CAB39L: variants seen among roughly 807,000 people sequenced by gnomAD.
CAB39L encodes calcium binding protein 39 like, also known as calcium-binding protein 39-like.
CAB39L carries 23 observed loss-of-function variants against 39.1 expected under a neutral mutation model. The ratio of observed to expected loss-of-function variants is 0.59; its 90% CI spans 0.42 to 0.83. CAB39L has a LOEUF of 0.83. Among genes scored for constraint, CAB39L ranks in the 40% least tolerant of loss-of-function variants. The pLI, the probability that CAB39L is intolerant of heterozygous loss-of-function variation, is 0.00. For synonymous variants in CAB39L, 126 were observed against 137.2 expected (o/e 0.92, Z 0.57); for missense variants, 366 against 391.9 (o/e 0.93, Z 0.56).
intron 4 of CAB39L, among the ~76,000 whole-genome samples, chr13:49,379,466 A>G (rs1353904533): frequency 2.6e-5 from 1 of 38,624 alleles, no homozygotes; most frequent in East Asian, 2.8e-4. Flanking sequence ...GCGGTGCAAG[A>G]TGTGCTTTGT....
intron 9 of CAB39L, among the ~76,000 whole-genome samples, chr13:49,333,959 C>T (rs1954782864): frequency 6.6e-6 from 1 of 152,150 alleles, no homozygotes; most frequent in South Asian, 2.1e-4. Context: ...AACCAACTCC[C>T]TTTCTTCTCT....
At chr13:49,400,489 A>G (rs936345683) in intron 3 of CAB39L, among the ~76,000 whole-genome samples, 1 of 151,014 alleles carries the variant, frequency 6.6e-6, no homozygotes, top group Non-Finnish European at 1.5e-5. Flanking sequence ...TGGTTATATT[A>G]GCTCTTCAAC....
At chr13:49,363,355 A>G (rs1260600429) in intron 5 of CAB39L, among the ~76,000 whole-genome samples, 1 of 152,178 alleles carries the variant, frequency 6.6e-6, no homozygotes, top group Non-Finnish European at 1.5e-5. Flanking sequence ...AGGGGGAGGA[A>G]GTTAAGGTGT....
At chr13:49,377,903 G>A (rs1956127444) in intron 4 of CAB39L, among the ~76,000 whole-genome samples, 1 of 80,316 alleles carries the variant, frequency 1.2e-5, no homozygotes, top group South Asian at 4.4e-4. Flanking sequence ...CATCTAGGAA[G>A]TGAGGAGCGC....
intron 1 of CAB39L, among the ~76,000 whole-genome samples, chr13:49,438,825 C>T (rs914392669): frequency 1.1e-4 from 17 of 152,322 alleles, no homozygotes; most frequent in African/African-American, 3.6e-4. Flanking sequence ...TTTAAACCTA[C>T]TTTAATGTTA....
Position 49,310,784 on chromosome 13 carries a change from G to A in CAB39L, c.*30C>T, listed in dbSNP as rs766297188. ...ACTGTACAAACTGGACAAATGAGAC[G>A]ACTGACTGTGACAGGGGCCGGGGAG... On this transcript the variant is annotated 3_prime_UTR_variant, in exon 11 of 11. Transcript: ENST00000409308. 2.2e-5 allele frequency: 35 copies of A among 1,606,332 alleles called. No individual in the cohort carries two copies. The highest frequency in any genetic ancestry group is 1.1e-4 in the South Asian group (10 of 90,380).
intron 10 of CAB39L, among the ~76,000 whole-genome samples, chr13:49,317,925 A>G (rs1954209367): frequency 6.6e-6 from 1 of 152,178 alleles, no homozygotes; most frequent in Non-Finnish European, 1.5e-5. Flanking sequence ...ACAACAACAG[A>G]AAACCCATTC....
chr13:49,433,334 C>A lies in CAB39L; in HGVS notation c.-48G>T. The A allele has an allele frequency of 2.2e-6, 1 of 453,480 alleles. No individual in the cohort carries two copies. Among genetic ancestry groups the A allele is most frequent in the Non-Finnish European group, 4.4e-6 (1 of 226,136 alleles). 28.1% of individuals were successfully genotyped at this position (453,480 alleles called of 1,614,324 possible). A position where few individuals can be genotyped will look rare whatever the true frequency, so the allele number is the denominator to read the frequency against. On this transcript the variant is annotated 5_prime_UTR_variant, in exon 3 of 11. The change abolishes an upstream ATG in the 5' untranslated region. Coordinates refer to ENST00000409308, the MANE Select transcript of CAB39L (RefSeq NM_001079670.3). ...CTAGCTTACCTTAGAAGTTGTATAT[C>A]ATTTGCAAATTTGTTTGAACCTTCT...
At chr13:49,435,074 C>A (rs1236451443) in intron 1 of CAB39L, among the ~76,000 whole-genome samples, 4 of 152,198 alleles carry the variant, frequency 2.6e-5, no homozygotes, top group Admixed American at 2.6e-4. Context: ...GGATACATTG[C>A]ATACTTTTCC....
chr13:49,435,585 C>T (rs1957397039), intron 1 of CAB39L, among the ~76,000 whole-genome samples: 1 of 152,186 alleles, frequency 6.6e-6, no homozygotes, highest in Non-Finnish European at 1.5e-5. Flanking sequence ...ACTGCAGCCT[C>T]CGCCTCCCAG....
chr13:49,441,685 C>T (rs1052786815), intron 1 of CAB39L, among the ~76,000 whole-genome samples: 3 of 152,180 alleles, frequency 2.0e-5, no homozygotes, highest in Non-Finnish European at 4.4e-5. Context: ...AATAAAATCG[C>T]TATAAATATT....
In CAB39L at chr13:49,339,675, A is replaced by T; in HGVS notation, c.690+2T>A. On this transcript the variant is annotated splice_donor_variant, in intron 9 of 10. Transcript: ENST00000409308. LOFTEE classifies it high-confidence loss of function. ...CACTGACTTAAAGAAATTTGATATT[A>T]CCTTTAAAGACTGTCTCTTAGTAAC... is the stretch of plus-strand genomic sequence containing the variant. 1 of 1,563,138 alleles carries T rather than the reference A, an allele frequency of 6.4e-7. No individual in the cohort carries two copies. The highest frequency in any genetic ancestry group is 8.6e-7 in the Non-Finnish European group (1 of 1,159,282).
intron 3 of CAB39L, among the ~76,000 whole-genome samples, chr13:49,409,139 A>G (rs1956939857): frequency 6.6e-6 from 1 of 152,158 alleles, no homozygotes; most frequent in South Asian, 2.1e-4. Flanking sequence ...ACAGGCAGGG[A>G]CCATCAGAGC....
chr13:49,357,035 C>T (rs191070811), intron 6 of CAB39L, among the ~76,000 whole-genome samples: 6 of 137,182 alleles, frequency 4.4e-5, no homozygotes, highest in Admixed American at 8.0e-5. Context: ...GGCGACAGAG[C>T]GAGACTCCAT....
Position 49,369,657 on chromosome 13 carries a change from G to A in CAB39L, c.276+7310C>T, listed in dbSNP as rs375111495. Among the ~76,000 whole-genome samples, 18 of 150,966 alleles carry A rather than the reference G, an allele frequency of 1.2e-4. No homozygotes were observed. The East Asian group carries it at 3.1e-3, about 26-fold the overall frequency. ...GGCTGAAGTGCAGTGGCATAATCTCGACTCACTGCAACCTCCACCTGCCAG... is the reference window on the plus strand; with the variant it reads ...GGCTGAAGTGCAGTGGCATAATCTCAACTCACTGCAACCTCCACCTGCCAG... On this transcript the variant is annotated intron_variant, in intron 5 of 10. Transcript: ENST00000409308.
rs767328035 is a variant in CAB39L, at chr13:49,344,241, A to G, written c.565-3T>C. Reference sequence around the variant, plus strand: ...ACTTTATGTCTGGTTAGTAAATCCTAGAAAAAGAAAAACCAAGTGAAACAA... The same window carrying G: ...ACTTTATGTCTGGTTAGTAAATCCTGGAAAAAGAAAAACCAAGTGAAACAA... On this transcript the variant is annotated splice_polypyrimidine_tract_variant and splice_region_variant and intron_variant, in intron 7 of 10. Coordinates refer to ENST00000409308, the MANE Select transcript of CAB39L (RefSeq NM_001079670.3). 2.6e-5 allele frequency: 41 copies of G among 1,574,294 alleles called. No individual in the cohort carries two copies. Among genetic ancestry groups the G allele is most frequent in the Non-Finnish European group, 3.6e-5 (41 of 1,145,358 alleles).
intron 4 of CAB39L, among the ~76,000 whole-genome samples, chr13:49,379,314 A>G (rs1798125132): frequency 4.1e-5 from 1 of 24,410 alleles, no homozygotes; most frequent in Admixed American, 2.9e-4. Context: ...TGTAGAAAGA[A>G]GTAGACATGG....
rs930617414 is a variant in CAB39L, at chr13:49,347,335, A to G, written c.565-3097T>C. ...AATTAAATTGGGCTGAATATATGAC[A>G]GCAAGAAATTACTATCAAGTACATC... On this transcript the variant is annotated intron_variant, in intron 7 of 10. Coordinates refer to ENST00000409308, the MANE Select transcript of CAB39L (RefSeq NM_001079670.3). Among the ~76,000 whole-genome samples, 91 of 152,258 alleles carry G rather than the reference A, an allele frequency of 6.0e-4. 1 individual carries two copies. Among genetic ancestry groups the G allele is most frequent in the Admixed American group, 5.3e-3 (81 of 15,288 alleles).
At chr13:49,351,407 CAG>C (rs909381514) in intron 6 of CAB39L, among the ~76,000 whole-genome samples, 2 of 151,840 alleles carry the variant, frequency 1.3e-5, no homozygotes, top group Non-Finnish European at 2.9e-5. Context: ...CTTGGCGAAA[CAG>C]AGAAGGAGGA....
Sources: allele counts gnomAD v4.1 joint callset (sites outside exome capture counted in the v4.1 genomes callset), GRCh38; gene constraint gnomAD v4.1.1; transcripts MANE v1.5; gene names NCBI Gene and HGNC (gene_info 2026-07-23, HGNC 2026-07-21).